The following IGSF21 variants were observed in gnomAD, a reference collection of about 807,000 sequenced individuals.
IGSF21 encodes the protein immunoglobulin superfamily member 21.
IGSF21 carries 28 observed loss-of-function variants against 46.8 expected under a neutral mutation model. That is an observed-to-expected ratio of 0.60 (90% CI 0.44 to 0.82). The LOEUF is 0.82. Among genes scored for constraint, IGSF21 ranks in the 40% least tolerant of loss-of-function variants. The pLI is 0.00. For missense variants in IGSF21, 624 were observed against 665.5 expected (o/e 0.94, Z 0.69); for synonymous variants, 284 against 273.6 (o/e 1.04, Z -0.38).
intron 6 of IGSF21, 143 bp from the exon 7 acceptor site, chr1:18,376,167 G>C (rs1196761477): frequency 1.4e-6 from 1 of 715,568 alleles, no homozygotes; most frequent in Non-Finnish European, 2.6e-6. Flanking sequence ...CTGTGAATGA[G>C]TGAATGAATG....
chr1:18,163,646 G>A (rs188394704), intron 1 of IGSF21, among the ~76,000 whole-genome samples: 118 of 152,304 alleles, frequency 7.7e-4, no homozygotes, highest in Non-Finnish European at 1.5e-3. Context: ...ATTTGTGCTA[G>A]AGACCTGCAT....
At chr1:18,280,026 G>A (rs2085143582) in intron 2 of IGSF21, among the ~76,000 whole-genome samples, 1 of 152,242 alleles carries the variant, frequency 6.6e-6, no homozygotes, top group East Asian at 1.9e-4. Context: ...TACAAGCTGG[G>A]CATCTGTCCC....
chr1:18,151,775 T>C (rs12126587), intron 1 of IGSF21, among the ~76,000 whole-genome samples: 59,446 of 151,966 alleles, frequency 0.39, 12,081 homozygotes, highest in East Asian at 0.58. Context: ...TCATGGATAT[T>C]GGTGAAAACT....
At chr1:18,273,039 CTTTTTTTTTT>C (rs760448516) in intron 2 of IGSF21, among the ~76,000 whole-genome samples, 7 of 80,722 alleles carry the variant, frequency 8.7e-5, no homozygotes, top group South Asian at 4.0e-4. Context: ...CCAGACGGAT[CTTTTTTTTTT>C]TTTTTTTTTT....
At chr1:18,338,348 T>A (rs1557650460) in intron 4 of IGSF21, among the ~76,000 whole-genome samples, 1 of 152,204 alleles carries the variant, frequency 6.6e-6, no homozygotes, top group Non-Finnish European at 1.5e-5. Flanking sequence ...GGCATTGCAT[T>A]CACACACAAA....
intron 2 of IGSF21, among the ~76,000 whole-genome samples, chr1:18,254,216 G>A (rs952459067): frequency 1.3e-5 from 2 of 150,288 alleles, no homozygotes; most frequent in African/African-American, 5.0e-5. Context: ...AGGCTGAGAA[G>A]TGAGAGATGA....
chr1:18,297,178 C>G (rs2085319754), intron 3 of IGSF21, among the ~76,000 whole-genome samples: 1 of 152,114 alleles, frequency 6.6e-6, no homozygotes, highest in South Asian at 2.1e-4. Context: ...CCACCATCCT[C>G]TCCCCAACCC....
intron 1 of IGSF21, among the ~76,000 whole-genome samples, chr1:18,148,773 TC>T: frequency 6.6e-6 from 1 of 152,124 alleles, no homozygotes; most frequent in East Asian, 1.9e-4. Flanking sequence ...ATCGCTTATT[TC>T]ATTGCTCAGA....
intron 1 of IGSF21, among the ~76,000 whole-genome samples, chr1:18,152,290 G>T (rs1226045819): frequency 2.6e-5 from 4 of 152,130 alleles, no homozygotes; most frequent in African/African-American, 9.7e-5. Context: ...GCCTGAGTCT[G>T]GAGGTGGCTT....
At chr1:18,329,868 G>A (rs1238675921) in intron 3 of IGSF21, among the ~76,000 whole-genome samples, 1 of 152,196 alleles carries the variant, frequency 6.6e-6, no homozygotes, top group Non-Finnish European at 1.5e-5. Context: ...CGCTTGCATG[G>A]CCTTACCTAG....
chr1:18,140,908 A>G (rs1028743592), intron 1 of IGSF21, among the ~76,000 whole-genome samples: 4 of 152,170 alleles, frequency 2.6e-5, no homozygotes, highest in Admixed American at 6.5e-5. Flanking sequence ...GGGAGGAGGT[A>G]GCCCAGGTGT....
intron 1 of IGSF21, among the ~76,000 whole-genome samples, chr1:18,190,153 T>C (rs939526569): frequency 6.6e-6 from 1 of 152,214 alleles, no homozygotes; most frequent in African/African-American, 2.4e-5. Flanking sequence ...CCATCTGTGC[T>C]GCTGGATGAG....
intron 1 of IGSF21, among the ~76,000 whole-genome samples, chr1:18,196,531 G>A (rs1236808303): frequency 6.6e-6 from 1 of 152,186 alleles, no homozygotes; most frequent in Non-Finnish European, 1.5e-5. Context: ...GCTTAGCAGG[G>A]GGCTCCACAG....
At chr1:18,134,211 C>T (rs551276368) in intron 1 of IGSF21, among the ~76,000 whole-genome samples, 54 of 152,270 alleles carry the variant, frequency 3.5e-4, no homozygotes, top group Admixed American at 6.5e-4. Flanking sequence ...CCTTAACCCT[C>T]CTCTGTGGCC....
intron 1 of IGSF21, among the ~76,000 whole-genome samples, chr1:18,227,359 T>C (rs2084578397): frequency 6.6e-6 from 1 of 152,022 alleles, no homozygotes; most frequent in Non-Finnish European, 1.5e-5. Context: ...ATTTCTCAGA[T>C]CCTGGCTGCG....
At chr1:18,275,272 G>T (rs2085088913) in intron 2 of IGSF21, among the ~76,000 whole-genome samples, 1 of 152,188 alleles carries the variant, frequency 6.6e-6, no homozygotes, top group Non-Finnish European at 1.5e-5. Context: ...CTGGGAGGCA[G>T]TCTTGACCCA....
At chr1:18,277,418 C>T (rs544330561) in intron 2 of IGSF21, among the ~76,000 whole-genome samples, 1 of 152,342 alleles carries the variant, frequency 6.6e-6, no homozygotes, top group African/African-American at 2.4e-5. Flanking sequence ...CTCCCCCGCC[C>T]TAGCTGAGAC....
chr1:18,369,403 T>C (rs914767543), intron 6 of IGSF21, among the ~76,000 whole-genome samples: 1 of 152,220 alleles, frequency 6.6e-6, no homozygotes, highest in Admixed American at 6.5e-5. Context: ...TATCATATTA[T>C]TCCCATCTGA....
At chr1:18,299,716 CCA>C (rs768496412) in intron 3 of IGSF21, among the ~76,000 whole-genome samples, 3 of 152,174 alleles carry the variant, frequency 2.0e-5, no homozygotes, top group South Asian at 2.1e-4. Context: ...TCTCTCCCAC[CCA>C]GAGTTCATCC....
Sources: allele counts gnomAD v4.1 joint callset (sites outside exome capture counted in the v4.1 genomes callset), GRCh38; gene constraint gnomAD v4.1.1; transcripts MANE v1.5; gene names NCBI Gene and HGNC (gene_info 2026-07-23, HGNC 2026-07-21).